The following SH3GL1 variants were observed in gnomAD, a reference collection of about 807,000 sequenced individuals.
SH3GL1 encodes SH3 domain containing GRB2 like 1, endophilin A2, also known as endophilin-A2.
Under a neutral mutation model 48.8 loss-of-function variants are expected in SH3GL1, and 21 were observed. The ratio of observed to expected loss-of-function variants is 0.43; its 90% CI spans 0.30 to 0.62. The LOEUF is 0.62. Among genes scored for constraint, SH3GL1 ranks in the 20% least tolerant of loss-of-function variants. The pLI is 0.11. For missense variants in SH3GL1, 454 were observed against 503.0 expected, an observed-to-expected ratio of 0.90 and a Z score of 0.93; for synonymous variants, 282 against 217.5, an observed-to-expected ratio of 1.30 and a Z score of -2.61.
At chr19:4,391,522 C>T (rs988432670) in intron 1 of SH3GL1, among the ~76,000 whole-genome samples, 1 of 152,200 alleles carries the variant, frequency 6.6e-6, no homozygotes, top group African/African-American at 2.4e-5. Context: ...CTGGGACCTA[C>T]TGTACAGCAG....
chr19:4,362,966 G>A (rs1972664877), intron 7 of SH3GL1, among the ~76,000 whole-genome samples: 1 of 152,118 alleles, frequency 6.6e-6, no homozygotes, highest in East Asian at 1.9e-4. Flanking sequence ...AGCAGCTGGG[G>A]CCTGCCACAG....
intron 1 of SH3GL1, among the ~76,000 whole-genome samples, chr19:4,399,364 T>C (rs1599627518): frequency 8.0e-6 from 1 of 124,520 alleles, no homozygotes; most frequent in Non-Finnish European, 1.7e-5. Context: ...TGGAGTATGG[T>C]CTAGAGCAGT....
chr19:4,398,108 G>C (rs1381865467), intron 1 of SH3GL1, among the ~76,000 whole-genome samples: 1 of 152,122 alleles, frequency 6.6e-6, no homozygotes, highest in Non-Finnish European at 1.5e-5. Flanking sequence ...AGCCTTCAAA[G>C]TGCTGGGATT....
chr19:4,361,769 G>A lies in SH3GL1; in HGVS notation c.938C>T (p.Ala313Val). 6 of 1,610,816 alleles carry A rather than the reference G, an allele frequency of 3.7e-6. No homozygotes were observed. Among genetic ancestry groups the A allele is most frequent in the Non-Finnish European group, 5.1e-6 (6 of 1,179,788 alleles). ...GTTCTCGGGCTCGAAGTCGTACAGC[G>A]CCTTGCAGCTCGGCTGGTCCAGGGG... The part of the protein sequence containing the change: ...MPPLDQPSCK[A>V]LYDFEPENDG... The change falls in exon 10 of 10, where the codon GCG becomes GTG. Residue 313 changes from alanine (A) to valine (V), a missense_variant. By Grantham distance (64) the Ala-to-Val change is moderately conservative (BLOSUM62 0). Transcript: ENST00000269886.
chr19:4,364,096 CCTT>C lies in SH3GL1; in HGVS notation c.454_456del (p.Lys152del). 6.2e-7 allele frequency: 1 copy of C among 1,612,676 alleles called. No homozygotes were observed. The highest frequency in any genetic ancestry group is 8.5e-7 in the Non-Finnish European group (1 of 1,180,030). ...TGGCGCAGGAGCAGCACCTGGATCT[CCTT>C]CAGGTCTTTCTCGCACAGGTTCTGG... On this transcript the variant is annotated inframe_deletion, in exon 5 of 10. Transcript: ENST00000269886.
chr19:4,361,869 C>T, intron 9 of SH3GL1, 73 bp from the exon 10 acceptor site: 1 of 1,129,222 alleles, frequency 8.9e-7, no homozygotes, highest in Non-Finnish European at 1.3e-6. Context: ...CTCAGACCTG[C>T]TGTGACCTGG....
At chr19:4,365,720 T>A in intron 3 of SH3GL1, 95 bp from the exon 4 acceptor site, 1 of 1,557,762 alleles carries the variant, frequency 6.4e-7, no homozygotes. Context: ...CACCCTTGCT[T>A]CCTGTGCCTG....
At chr19:4,383,295 G>C (rs1973172497) in intron 1 of SH3GL1, among the ~76,000 whole-genome samples, 1 of 151,552 alleles carries the variant, frequency 6.6e-6, no homozygotes, top group Non-Finnish European at 1.5e-5. Context: ...GCTCACTGCA[G>C]CCTTGACTTC....
intron 6 of SH3GL1, 62 bp from the exon 7 acceptor site, chr19:4,363,535 T>C: frequency 2.0e-6 from 3 of 1,532,160 alleles, no homozygotes; most frequent in Non-Finnish European, 2.7e-6. Flanking sequence ...CTTCCCTGAC[T>C]CCCGAGGTGA....
chr19:4,394,367 A>T (rs1973389724), intron 1 of SH3GL1, among the ~76,000 whole-genome samples: 1 of 152,130 alleles, frequency 6.6e-6, no homozygotes, highest in Non-Finnish European at 1.5e-5. Flanking sequence ...GGATGCCAGG[A>T]GGCTCTTGAG....
chr19:4,363,929 C>T, intron 5 of SH3GL1, 51 bp from the exon 6 acceptor site: 1 of 1,610,100 alleles, frequency 6.2e-7, no homozygotes, highest in Non-Finnish European at 8.5e-7. Context: ...GAGGGCCGCC[C>T]CACGCATGGC....
At position 4,371,288 on chromosome 19, in the gene SH3GL1, A is replaced by G. The variant is rs369174476; in HGVS notation, c.46-4294T>C. Among the ~76,000 whole-genome samples the G allele has an allele frequency of 2.6e-4, 40 of 152,370 alleles. No homozygotes were observed. In the South Asian group the frequency reaches 5.4e-3, roughly 20 times the overall value. ...GTGGACTGAGAGTCAGGACAGGGCT[A>G]CCGTAGGCAGGAGAATCCCAGGTTT... On this transcript the variant is annotated intron_variant, in intron 1 of 9. Coordinates refer to ENST00000269886, the MANE Select transcript of SH3GL1 (RefSeq NM_003025.4).
chr19:4,370,144 C>G (rs1972868182), intron 1 of SH3GL1, among the ~76,000 whole-genome samples: 1 of 152,222 alleles, frequency 6.6e-6, no homozygotes, highest in Admixed American at 6.5e-5. Context: ...GCGAGTGTTC[C>G]TAACCCTGGT....
Position 4,362,344 on chromosome 19 carries a change from G to A in SH3GL1, c.895C>T (p.Pro299Ser), listed in dbSNP as rs776408094. 4.3e-6 allele frequency: 7 copies of A among 1,612,242 alleles called. No homozygotes were observed. The highest frequency in any genetic ancestry group is 5.1e-6 in the Non-Finnish European group (6 of 1,179,122). The change falls in exon 9 of 10, where the codon CCT (proline) becomes TCT (serine). Residue 299 changes from proline to serine, a missense_variant. This residue lies in a region of SH3GL1 where 278 missense variants were observed against 246.8 expected (regional missense o/e 1.13). Transcript: ENST00000269886. The part of the protein sequence containing the change: ...FRSSDKPIRT[P>S]SRSMPPLDQP... Reference sequence around the variant, plus strand: ...GAACACTCACGCATGCTCCGGCTAGGGGTCCGGATGGGCTTGTCGGAAGAT... The same window carrying A: ...GAACACTCACGCATGCTCCGGCTAGAGGTCCGGATGGGCTTGTCGGAAGAT...
intron 4 of SH3GL1, chr19:4,364,455 T>C (rs1418221815): frequency 9.2e-6 from 5 of 546,384 alleles, no homozygotes; most frequent in Non-Finnish European, 1.6e-5. Context: ...TTCTTTGAGA[T>C]GAAGTCTCGC....
At chr19:4,377,987 G>C (rs1973045266) in intron 1 of SH3GL1, among the ~76,000 whole-genome samples, 1 of 152,134 alleles carries the variant, frequency 6.6e-6, no homozygotes, top group Admixed American at 6.5e-5. Context: ...CATCGTCCTT[G>C]GAGGGACACC....
At chr19:4,387,107 T>C (rs114339428) in intron 1 of SH3GL1, among the ~76,000 whole-genome samples, 4,296 of 152,092 alleles carry the variant, frequency 0.028, 69 homozygotes, top group African/African-American at 0.045. Flanking sequence ...CAGTTAATTC[T>C]TTGTATTTTT....
chr19:4,392,560 ACACAC>A (rs1973356888), intron 1 of SH3GL1, among the ~76,000 whole-genome samples: 2 of 142,086 alleles, frequency 1.4e-5, no homozygotes, highest in Admixed American at 6.9e-5. Context: ...ACACACACAC[ACACAC>A]ACACAAAAGA....
At chr19:4,368,235 A>T (rs557047228) in intron 1 of SH3GL1, among the ~76,000 whole-genome samples, 1 of 152,324 alleles carries the variant, frequency 6.6e-6, no homozygotes, top group African/African-American at 2.4e-5. Context: ...AAGGGATGCC[A>T]TGAGGGTCCG....
Sources: gnomAD v4.1 joint callset for allele counts (sites outside exome capture counted in the v4.1 genomes callset) on GRCh38, gnomAD v4.1.1 for gene constraint, gnomAD v4.1.1 regional missense constraint, MANE v1.5 for transcripts, NCBI Gene and HGNC (gene_info 2026-07-23, HGNC 2026-07-21) for gene names.